Variants in MAPK8IP3 observed in about 807,000 individuals in gnomAD.
MAPK8IP3 encodes the protein C-Jun-amino-terminal kinase-interacting protein 3.
MAPK8IP3 carries 49 observed loss-of-function variants against 157.8 expected under a neutral mutation model. The observed-to-expected ratio is 0.31, with a 90% confidence interval of 0.25 to 0.39. The LOEUF (loss-of-function observed/expected upper bound fraction) is 0.39, where lower values mean the gene tolerates loss of function less well. Among genes scored for constraint, MAPK8IP3 ranks in the 10% least tolerant of loss-of-function variants. MAPK8IP3 has a pLI of 1.00. For synonymous variants in MAPK8IP3, 897 were observed against 777.7 expected (o/e 1.15, Z -2.55); for missense variants, 1,478 against 1,889.4 (o/e 0.78, Z 4.04).
At position 1,748,362 on chromosome 16, in the gene MAPK8IP3, A is replaced by G; in HGVS notation, c.1097+16A>G. The G allele has an allele frequency of 6.2e-7, 1 of 1,606,328 alleles. No individual in the cohort carries two copies. Among genetic ancestry groups the G allele is most frequent in the Non-Finnish European group, 8.5e-7 (1 of 1,173,840 alleles). ...CAGGAAGCAGGTACTGGCTCAGCCC[A>G]GGCCCTGGGGTCCTGGGGGCTCAGT... On this transcript the variant is annotated intron_variant, in intron 7 of 31. Transcript: ENST00000610761.
chr16:1,757,743 G>A (rs1231120385), intron 8 of MAPK8IP3, among the ~76,000 whole-genome samples: 3 of 151,802 alleles, frequency 2.0e-5, no homozygotes, highest in Admixed American at 2.0e-4. Flanking sequence ...CTCCCTCGCC[G>A]CTCTCTCCCT....
intron 4 of MAPK8IP3, among the ~76,000 whole-genome samples, chr16:1,737,519 CGTGT>C (rs1196940695): frequency 2.6e-5 from 2 of 75,704 alleles, no homozygotes; most frequent in Admixed American, 3.3e-4. Context: ...TGTGACCGTC[CGTGT>C]GAGTGTGTGA....
In MAPK8IP3 at chr16:1,706,772, G is replaced by A. The variant is rs1267554916; in HGVS notation, c.318+115G>A. ...CCCCGCTCCGGCACCCCGGACCGCG[G>A]GACCCCTGGACCCCCAGACCCCGCC... is the stretch of plus-strand genomic sequence containing the variant. On this transcript the variant is annotated intron_variant, in intron 1 of 31. Transcript: ENST00000610761. This position sits in a 1 kb window ranked among gnomAD's most constrained non-coding sequence, Gnocchi z 5.1. 9.1e-5 allele frequency: 106 copies of A among 1,163,256 alleles called. No individual in the cohort carries two copies. The highest frequency in any genetic ancestry group is 1.1e-4 in the Non-Finnish European group (98 of 864,022). The allele number at this position is 1,163,256 out of a possible 1,614,324, so 72.1% of individuals were successfully genotyped here.
chr16:1,764,920 G>A (rs2042169930), intron 19 of MAPK8IP3, 93 bp from the exon 20 acceptor site: 1 of 1,310,170 alleles, frequency 7.6e-7, no homozygotes, highest in East Asian at 2.4e-5. Context: ...GTCAAGGCTG[G>A]ATCCTGACAG....
chr16:1,707,015 C>G (rs2037444847), intron 1 of MAPK8IP3, among the ~76,000 whole-genome samples: 1 of 151,670 alleles, frequency 6.6e-6, no homozygotes. Flanking sequence ...GGCGTCATCC[C>G]CGGGGAGCTC....
At chr16:1,761,457 C>CCACCATT (rs1406488627) in intron 13 of MAPK8IP3, 152 bp downstream of exon 13, 10 of 640,454 alleles carry the variant, frequency 1.6e-5, no homozygotes, top group Admixed American at 2.3e-5. Flanking sequence ...GGCAGAGCGG[C>CCACCATT]CACCATTCAC....
Position 1,724,537 on chromosome 16 carries a change from T to C in MAPK8IP3, c.319-20T>C. 6.2e-7 allele frequency: 1 copy of C among 1,611,942 alleles called. No individual in the cohort carries two copies. The highest frequency in any genetic ancestry group is 8.5e-7 in the Non-Finnish European group (1 of 1,179,550). On this transcript the variant is annotated intron_variant, in intron 1 of 31. Coordinates refer to ENST00000610761, the MANE Select transcript of MAPK8IP3 (RefSeq NM_001318852.2). The surrounding 1 kb of genome is among the most constrained non-coding windows in gnomAD (Gnocchi z 4.1). Reference sequence around the variant, plus strand: ...ACACTCACTCCTGATGACTGCTCTTTCCCTCCCTTCCATGCACAGAAATTC... The same window carrying C: ...ACACTCACTCCTGATGACTGCTCTTCCCCTCCCTTCCATGCACAGAAATTC...
chr16:1,757,347 G>A (rs886582980), intron 8 of MAPK8IP3, among the ~76,000 whole-genome samples: 9 of 152,084 alleles, frequency 5.9e-5, no homozygotes, highest in African/African-American at 1.2e-4. Flanking sequence ...CTTGTGATCC[G>A]CCCGCCTCGG....
chr16:1,722,458 G>A (rs2038590723), intron 1 of MAPK8IP3, among the ~76,000 whole-genome samples: 2 of 152,190 alleles, frequency 1.3e-5, no homozygotes, highest in African/African-American at 2.4e-5. Context: ...AGTGGGTAGA[G>A]TTATTATAGG....
chr16:1,749,574 TC>T (rs2041173357), intron 8 of MAPK8IP3, among the ~76,000 whole-genome samples: 1 of 152,040 alleles, frequency 6.6e-6, no homozygotes, highest in Admixed American at 6.5e-5. Flanking sequence ...ACGTGGAGTC[TC>T]CTGTGCTCAT....
chr16:1,720,757 G>A (rs369376148), intron 1 of MAPK8IP3, among the ~76,000 whole-genome samples: 13 of 152,320 alleles, frequency 8.5e-5, no homozygotes, highest in African/African-American at 2.4e-4. Context: ...AGGCCAGGCC[G>A]GGTGCAGCGG....
In MAPK8IP3 at chr16:1,741,672, C is replaced by A. The variant is rs1460199740; in HGVS notation, c.603-1660C>A. ...GCAGACAGGGCGGTTGAAGCCCAGC[C>A]TCCCACTGGGGTCATGCTCCCTGGG... On this transcript the variant is annotated intron_variant, in intron 4 of 31. Transcript: ENST00000610761. This position sits in a 1 kb window ranked among gnomAD's most constrained non-coding sequence, Gnocchi z 6.9. 6.6e-6 allele frequency among the ~76,000 whole-genome samples: 1 copy of A among 152,118 alleles called. No homozygotes were observed. The highest frequency in any genetic ancestry group is 6.5e-5 in the Admixed American group (1 of 15,270).
Position 1,769,022 on chromosome 16 carries a change from T to C in MAPK8IP3, c.*198T>C, listed in dbSNP as rs1269840351. ...GCTGGGAGGAGGAGGGGAGGGGAAC[T>C]TCCACCCGAGGGGAAGATGCTCTCG... On this transcript the variant is annotated 3_prime_UTR_variant, in exon 32 of 32. Coordinates refer to ENST00000610761, the MANE Select transcript of MAPK8IP3 (RefSeq NM_001318852.2). 1.1e-5 allele frequency: 7 copies of C among 618,760 alleles called. No homozygotes were observed. Among genetic ancestry groups the C allele is most frequent in the Non-Finnish European group, 8.4e-6 (3 of 357,418 alleles). 38.3% of individuals were successfully genotyped at this position (618,760 alleles called of 1,614,324 possible).
At chr16:1,730,894 C>CT in intron 4 of MAPK8IP3, among the ~76,000 whole-genome samples, 1 of 149,198 alleles carries the variant, frequency 6.7e-6, no homozygotes, top group South Asian at 2.1e-4. Flanking sequence ...AATCCCGGCA[C>CT]TTTGGAAGGC....
At position 1,767,298 on chromosome 16, in the gene MAPK8IP3, G is replaced by A; in HGVS notation, c.3237+1G>A. 1 of 1,613,004 alleles carries A rather than the reference G, an allele frequency of 6.2e-7. No individual in the cohort carries two copies. Among genetic ancestry groups the A allele is most frequent in the Non-Finnish European group, 8.5e-7 (1 of 1,179,932 alleles). On this transcript the variant is annotated splice_donor_variant, in intron 26 of 31. Coordinates refer to ENST00000610761, the MANE Select transcript of MAPK8IP3 (RefSeq NM_001318852.2). LOFTEE classifies it high-confidence loss of function. Reference sequence around the variant, plus strand: ...CCAGCCCAAGACCATGCAGATAGAGGCGAGTGCCGGCCAGGGCCCCGGGGA... The same window carrying A: ...CCAGCCCAAGACCATGCAGATAGAGACGAGTGCCGGCCAGGGCCCCGGGGA...
chr16:1,759,830 C>T, intron 10 of MAPK8IP3, 128 bp from the exon 11 acceptor site: 1 of 798,694 alleles, frequency 1.3e-6, no homozygotes, highest in Non-Finnish European at 2.1e-6. Context: ...CCCCCGCTCC[C>T]TGTAGATCGG....
chr16:1,728,085 G>A (rs2039014352), intron 2 of MAPK8IP3, among the ~76,000 whole-genome samples: 1 of 152,242 alleles, frequency 6.6e-6, no homozygotes, highest in Admixed American at 6.5e-5. Context: ...GAACACAGCT[G>A]TGGAGGCGGC....
Position 1,767,720 on chromosome 16 carries a change from G to A in MAPK8IP3, c.3394G>A (p.Val1132Ile), listed in dbSNP as rs758820793. 5.0e-6 allele frequency: 8 copies of A among 1,612,590 alleles called. No homozygotes were observed. The African/African-American group carries it at 5.3e-5, about 11-fold the overall frequency. Residue 1132 changes from valine (V) to isoleucine (I), a missense_variant, in exon 27 of 32, where the codon GTC (valine) becomes ATC (isoleucine). Val to Ile is a conservative substitution (Grantham distance 29, BLOSUM62 3). This residue lies in a region of MAPK8IP3 where 68 missense variants were observed against 125.1 expected (regional missense o/e 0.54). Transcript: ENST00000610761. ...HLQDVDIEPY[V>I]SKMLGTGKLG... Reference sequence around the variant, plus strand: ...ACAGGACGTGGACATTGAGCCCTACGTCAGCAAGATGCTAGGTGAGGGGCC... The same window carrying A: ...ACAGGACGTGGACATTGAGCCCTACATCAGCAAGATGCTAGGTGAGGGGCC...
rs1323359321 is a variant in MAPK8IP3, at chr16:1,756,525, G to A, written c.1217-1623G>A. On this transcript the variant is annotated intron_variant, in intron 8 of 31. Transcript: ENST00000610761. ...GGGTCAGGCACAGTGGCTCACACCC[G>A]TAATCCCAGCACTTTGGGAGGCCAA... 7.3e-5 allele frequency among the ~76,000 whole-genome samples: 11 copies of A among 151,620 alleles called. No homozygotes were observed. The South Asian group carries it at 8.3e-4, about 11-fold the overall frequency.
Sources: allele counts gnomAD v4.1 joint callset (sites outside exome capture counted in the v4.1 genomes callset), GRCh38; gene constraint gnomAD v4.1.1; regional missense constraint gnomAD v4.1.1; non-coding constraint Gnocchi (gnomAD v3.1); transcripts MANE v1.5; gene names NCBI Gene and HGNC (gene_info 2026-07-23, HGNC 2026-07-21).